The following ST6GALNAC3 variants were observed in gnomAD, a reference collection of about 807,000 sequenced individuals.
ST6GALNAC3 encodes the protein alpha-N-acetylgalactosaminide alpha-2,6-sialyltransferase 3.
A neutral mutation model predicts 32.7 loss-of-function variants in ST6GALNAC3; 25 were observed. That is an observed-to-expected ratio of 0.76 (90% CI 0.56 to 1.07). The LOEUF is 1.07. Ranked by LOEUF, ST6GALNAC3 falls within the 50% of genes least tolerant of loss-of-function variation. The pLI is 0.00. For missense variants in ST6GALNAC3, 355 were observed against 382.4 expected (o/e 0.93, Z 0.60); for synonymous variants, 129 against 133.1 (o/e 0.97, Z 0.21).
chr1:76,364,737 A>T (rs1398223204), intron 2 of ST6GALNAC3, among the ~76,000 whole-genome samples: 1 of 152,166 alleles, frequency 6.6e-6, no homozygotes, highest in Admixed American at 6.6e-5. Flanking sequence ...AAAATGCTCA[A>T]TATCACTAAT....
At chr1:76,337,433 A>T (rs984156814) in intron 2 of ST6GALNAC3, among the ~76,000 whole-genome samples, 2 of 152,164 alleles carry the variant, frequency 1.3e-5, no homozygotes, top group African/African-American at 2.4e-5. Flanking sequence ...AGGGTAACTG[A>T]GGCAGCAAAC....
intron 2 of ST6GALNAC3, among the ~76,000 whole-genome samples, chr1:76,356,766 A>C (rs890397100): frequency 1.3e-4 from 20 of 152,234 alleles, no homozygotes; most frequent in African/African-American, 4.8e-4. Flanking sequence ...GATAATGCAC[A>C]GGGATCTTCG....
chr1:76,359,994 G>T (rs1313742249), intron 2 of ST6GALNAC3, among the ~76,000 whole-genome samples: 1 of 152,112 alleles, frequency 6.6e-6, no homozygotes, highest in East Asian at 1.9e-4. Flanking sequence ...GCTACACTTG[G>T]TTTTTCCACA....
chr1:76,380,687 A>G (rs982880213), intron 2 of ST6GALNAC3, among the ~76,000 whole-genome samples: 1 of 152,196 alleles, frequency 6.6e-6, no homozygotes, highest in East Asian at 1.9e-4. Context: ...ACAGAAAAAA[A>G]TCAGATGACC....
intron 1 of ST6GALNAC3, among the ~76,000 whole-genome samples, chr1:76,285,106 A>G (rs150289770): frequency 1.3e-5 from 2 of 152,328 alleles, no homozygotes; most frequent in Non-Finnish European, 2.9e-5. Flanking sequence ...TGGACTAGAA[A>G]TGATCACATA....
At chr1:76,607,805 T>G (rs1028732086) in intron 3 of ST6GALNAC3, among the ~76,000 whole-genome samples, 1 of 152,116 alleles carries the variant, frequency 6.6e-6, no homozygotes, top group African/African-American at 2.4e-5. Context: ...GCCCAGTACC[T>G]GTGTGTAGGG....
chr1:76,147,679 G>A (rs1434421398), intron 1 of ST6GALNAC3, among the ~76,000 whole-genome samples: 1 of 152,208 alleles, frequency 6.6e-6, no homozygotes, highest in Non-Finnish European at 1.5e-5. Context: ...TGTGTCCCAA[G>A]CACCTACAAC....
chr1:76,246,249 T>C (rs984488423), intron 1 of ST6GALNAC3, among the ~76,000 whole-genome samples: 1 of 152,156 alleles, frequency 6.6e-6, no homozygotes. Context: ...TTTTTGGGCT[T>C]TCCATTTGCT....
At chr1:76,295,055 AAG>A (rs1660313555) in intron 1 of ST6GALNAC3, among the ~76,000 whole-genome samples, 1 of 151,884 alleles carries the variant, frequency 6.6e-6, no homozygotes, top group African/African-American at 2.4e-5. Context: ...TGGGCAAAGG[AAG>A]AGCTCTGTTA....
intron 1 of ST6GALNAC3, among the ~76,000 whole-genome samples, chr1:76,087,442 G>C (rs1207807148): frequency 6.6e-6 from 1 of 152,204 alleles, no homozygotes; most frequent in Non-Finnish European, 1.5e-5. Flanking sequence ...AGTACTGTGG[G>C]TAAGAGGAGG....
At chr1:76,290,233 A>G (rs1268664139) in intron 1 of ST6GALNAC3, among the ~76,000 whole-genome samples, 1 of 152,186 alleles carries the variant, frequency 6.6e-6, no homozygotes, top group Non-Finnish European at 1.5e-5. Context: ...GTTTCTATTC[A>G]TTTATGCTCA....
intron 2 of ST6GALNAC3, among the ~76,000 whole-genome samples, chr1:76,387,584 G>T (rs1652197660): frequency 6.6e-6 from 1 of 151,748 alleles, no homozygotes; most frequent in Admixed American, 6.6e-5. Flanking sequence ...CCTCTCCCTT[G>T]GCCCAAGTAT....
intron 3 of ST6GALNAC3, among the ~76,000 whole-genome samples, chr1:76,498,679 G>T (rs144647009): frequency 7.3e-5 from 11 of 151,438 alleles, no homozygotes; most frequent in African/African-American, 2.4e-4. Flanking sequence ...ACTTTGAGGA[G>T]TTAAAAGCTT....
At chr1:76,334,466 G>A (rs970601825) in intron 2 of ST6GALNAC3, among the ~76,000 whole-genome samples, 2 of 152,218 alleles carry the variant, frequency 1.3e-5, no homozygotes, top group South Asian at 4.1e-4. Flanking sequence ...CATGCAGAAT[G>A]TCTAGGAGGA....
intron 3 of ST6GALNAC3, among the ~76,000 whole-genome samples, chr1:76,513,681 G>C (rs976471581): frequency 6.7e-6 from 1 of 149,890 alleles, no homozygotes; most frequent in Non-Finnish European, 1.5e-5. Context: ...TAAGAATTTG[G>C]TATTTTGGTA....
At chr1:76,526,697 A>T (rs1227647225) in intron 3 of ST6GALNAC3, among the ~76,000 whole-genome samples, 1 of 152,048 alleles carries the variant, frequency 6.6e-6, no homozygotes, top group East Asian at 1.9e-4. Context: ...TTCTTTTCTA[A>T]CCCAAACATA....
intron 2 of ST6GALNAC3, among the ~76,000 whole-genome samples, chr1:76,360,423 C>T (rs1211333608): frequency 6.6e-6 from 1 of 152,148 alleles, no homozygotes; most frequent in Non-Finnish European, 1.5e-5. Flanking sequence ...TTAATTTTGT[C>T]AGCATATGGT....
intron 1 of ST6GALNAC3, among the ~76,000 whole-genome samples, chr1:76,253,487 A>T (rs1359683553): frequency 1.3e-5 from 2 of 152,156 alleles, no homozygotes; most frequent in Admixed American, 1.3e-4. Flanking sequence ...AGCAAGATGG[A>T]AAGAGATTAT....
At chr1:76,615,109 A>T (rs924805780) in intron 3 of ST6GALNAC3, among the ~76,000 whole-genome samples, 4 of 152,154 alleles carry the variant, frequency 2.6e-5, no homozygotes, top group African/African-American at 9.7e-5. Context: ...CAGAAGCACA[A>T]GGATTGGTGC....
Sources: allele counts gnomAD v4.1 joint callset (sites outside exome capture counted in the v4.1 genomes callset), GRCh38; gene constraint gnomAD v4.1.1; transcripts MANE v1.5; gene names NCBI Gene and HGNC (gene_info 2026-07-23, HGNC 2026-07-21).